Variants in PAK1 observed in about 807,000 individuals in gnomAD.
The protein encoded by PAK1 is p21 (RAC1) activated kinase 1.
Under a neutral mutation model 67.4 loss-of-function variants are expected in PAK1, and 29 were observed. The ratio of observed to expected loss-of-function variants is 0.43; its 90% confidence interval spans 0.32 to 0.59. The LOEUF is 0.59. Among genes scored for constraint, PAK1 ranks in the 20% least tolerant of loss-of-function variants. The probability of loss-of-function intolerance (pLI) is 0.07; values close to 1 mark genes in which losing one functional copy is unlikely to be tolerated. For missense variants in PAK1, 337 were observed against 670.7 expected, an observed-to-expected ratio of 0.50 and a Z score of 5.50; for synonymous variants, 223 against 237.4, an observed-to-expected ratio of 0.94 and a Z score of 0.56.
intron 1 of PAK1, among the ~76,000 whole-genome samples, chr11:77,454,291 G>C (rs775313593): frequency 5.3e-5 from 8 of 150,410 alleles, no homozygotes; most frequent in Non-Finnish European, 1.0e-4. Flanking sequence ...TCCAAACTCT[G>C]GCTCCAAGTT....
intron 5 of PAK1, among the ~76,000 whole-genome samples, chr11:77,368,053 G>A (rs1462919324): frequency 6.6e-6 from 1 of 152,142 alleles, no homozygotes; most frequent in African/African-American, 2.4e-5. Flanking sequence ...AAGAAGCAAG[G>A]GGAAGAAATC....
chr11:77,530,006 T>C, the PAK1 span: 1 of 152,248 alleles, frequency 6.6e-6, no homozygotes. Flanking sequence ...ATTTTTTTCC[T>C]CCTTTTTCCT....
In PAK1 at chr11:77,355,698, T is replaced by C. The variant is rs1565608964; in HGVS notation, c.742A>G (p.Met248Val). The C allele has an allele frequency of 6.2e-7, 1 of 1,613,406 alleles. No homozygotes were observed. Among genetic ancestry groups the C allele is most frequent in the Non-Finnish European group, 8.5e-7 (1 of 1,179,422 alleles). Residue 248 changes from methionine (M) to valine (V), a missense_variant, in exon 7 of 15, where the codon ATG becomes GTG. Met to Val is a conservative substitution (Grantham distance 21, BLOSUM62 1). Transcript: ENST00000356341. ...NTEKQKKKPK[M>V]SDEEILEKLR... ...TTCTCCAAGATCTCCTCATCAGACA[T>C]TTTAGGCTTCTTCTTCTGCTTCTCA...
At chr11:77,368,376 T>C (rs1017902458) in intron 5 of PAK1, among the ~76,000 whole-genome samples, 1 of 152,226 alleles carries the variant, frequency 6.6e-6, no homozygotes, top group Non-Finnish European at 1.5e-5. Flanking sequence ...GAAGTATTAA[T>C]TAAACGTGAG....
At chr11:77,368,720 G>T (rs1484426703) in intron 5 of PAK1, among the ~76,000 whole-genome samples, 1 of 152,110 alleles carries the variant, frequency 6.6e-6, no homozygotes. Context: ...GCAGTGGCAT[G>T]ATCTCGGCTC....
chr11:77,415,511 G>A (rs920975820), intron 1 of PAK1, among the ~76,000 whole-genome samples: 1 of 152,060 alleles, frequency 6.6e-6, no homozygotes, highest in Non-Finnish European at 1.5e-5. Flanking sequence ...AACTTGTATA[G>A]CATGTTACTG....
At chr11:77,462,119 G>A (rs1336930848) in intron 1 of PAK1, among the ~76,000 whole-genome samples, 1 of 152,068 alleles carries the variant, frequency 6.6e-6, no homozygotes, top group Non-Finnish European at 1.5e-5. Flanking sequence ...AAGGTCAGGA[G>A]ATCGAGACCA....
At chr11:77,522,733 G>A in the PAK1 span, among the ~76,000 whole-genome samples, 1 of 152,022 alleles carries the variant, frequency 6.6e-6, no homozygotes, top group Non-Finnish European at 1.5e-5. Flanking sequence ...TATATCCAAA[G>A]GAAAATTAAT....
intron 1 of PAK1, among the ~76,000 whole-genome samples, chr11:77,446,133 AAATAT>A (rs1429007724): frequency 3.9e-5 from 6 of 152,200 alleles, no homozygotes; most frequent in Non-Finnish European, 8.8e-5. Flanking sequence ...AGCAGATAAT[AAATAT>A]AATATTTGTT....
intron 1 of PAK1, among the ~76,000 whole-genome samples, chr11:77,446,419 T>C (rs963365082): frequency 6.9e-6 from 1 of 144,124 alleles, no homozygotes; most frequent in African/African-American, 2.6e-5. Flanking sequence ...GGCTGAGCCA[T>C]GAGAAACACT....
At chr11:77,502,785 T>A in the PAK1 span, among the ~76,000 whole-genome samples, 2 of 152,110 alleles carry the variant, frequency 1.3e-5, no homozygotes, top group Non-Finnish European at 2.9e-5. Flanking sequence ...CAAGCTGGCA[T>A]GGTGCACATA....
intron 1 of PAK1, among the ~76,000 whole-genome samples, chr11:77,427,283 CTTT>C (rs991238845): frequency 6.6e-6 from 1 of 152,086 alleles, no homozygotes; most frequent in African/African-American, 2.4e-5. Context: ...TTGGGGCAGG[CTTT>C]TTTAGTAGGA....
chr11:77,446,866 A>G (rs978379386), intron 1 of PAK1, among the ~76,000 whole-genome samples: 1 of 151,790 alleles, frequency 6.6e-6, no homozygotes, highest in African/African-American at 2.4e-5. Context: ...ACTGTTTAGA[A>G]TAATAGTGAA....
intron 13 of PAK1, among the ~76,000 whole-genome samples, chr11:77,334,045 T>C (rs1340395487): frequency 6.6e-6 from 1 of 151,722 alleles, no homozygotes; most frequent in East Asian, 1.9e-4. Context: ...GGCAGGTGCC[T>C]GTAATCCCAG....
Position 77,372,197 on chromosome 11 carries a change from A to G in PAK1, c.477+2131T>C, listed in dbSNP as rs184678118. 4.6e-5 allele frequency among the ~76,000 whole-genome samples: 7 copies of G among 152,370 alleles called. No individual in the cohort carries two copies. The East Asian group carries it at 1.3e-3, about 29-fold the overall frequency. ...AAGCATAAAGACATTTGAGCCACAA[A>G]GCACAATTCGGCTTAAAGCCTCTTC... On this transcript the variant is annotated intron_variant, in intron 5 of 14. Coordinates refer to ENST00000356341, the MANE Select transcript of PAK1 (RefSeq NM_002576.5).
At chr11:77,411,655 G>A (rs1954553812) in intron 1 of PAK1, 1 of 152,222 alleles carries the variant, frequency 6.6e-6, no homozygotes, top group Non-Finnish European at 1.5e-5. Flanking sequence ...CTTAAGGTAA[G>A]AGGAAAGTAA....
chr11:77,469,815 AT>A (rs147434264), intron 1 of PAK1, among the ~76,000 whole-genome samples: 4,375 of 151,728 alleles, frequency 0.029, 193 homozygotes, highest in African/African-American at 0.099. Flanking sequence ...GAATCAATGC[AT>A]TTTTCCTTTT....
At chr11:77,452,201 G>A (rs1956889848) in intron 1 of PAK1, among the ~76,000 whole-genome samples, 1 of 152,136 alleles carries the variant, frequency 6.6e-6, no homozygotes. Context: ...ATAACGCTGT[G>A]AGGCAGAGTA....
intron 9 of PAK1, among the ~76,000 whole-genome samples, chr11:77,345,368 T>A (rs1454979406): frequency 6.6e-6 from 1 of 152,100 alleles, no homozygotes; most frequent in Admixed American, 6.5e-5. Flanking sequence ...GGCTCCTCTA[T>A]CCCATAGAAG....
Sources: gnomAD v4.1 joint callset for allele counts (sites outside exome capture counted in the v4.1 genomes callset) on GRCh38, gnomAD v4.1.1 for gene constraint, MANE v1.5 for transcripts, NCBI Gene and HGNC (gene_info 2026-07-23, HGNC 2026-07-21) for gene names.